The following MATK variants were observed in gnomAD, a reference collection of about 807,000 sequenced individuals.
MATK encodes the protein megakaryocyte-associated tyrosine-protein kinase.
A neutral mutation model predicts 59.8 loss-of-function variants in MATK; 41 were observed. The ratio of observed to expected loss-of-function variants is 0.69; its 90% CI spans 0.53 to 0.89. The LOEUF (loss-of-function observed/expected upper bound fraction) is 0.89. MATK is among the 40% of genes least tolerant of loss of function. The pLI, the probability that MATK is intolerant of heterozygous loss-of-function variation, is 0.00. For synonymous variants in MATK, 308 were observed against 306.1 expected (o/e 1.01, Z -0.06); for missense variants, 593 against 719.6 (o/e 0.82, Z 2.01).
upstream of MATK, among the ~76,000 whole-genome samples, chr19:3,789,086 G>A (rs550337841): frequency 1.3e-5 from 2 of 152,264 alleles, no homozygotes; most frequent in East Asian, 1.9e-4. Flanking sequence ...CCACAGCTTC[G>A]TGGATCTGGC....
chr19:3,787,063 G>T (rs746793673), upstream of MATK, among the ~76,000 whole-genome samples: 2 of 152,184 alleles, frequency 1.3e-5, no homozygotes, highest in African/African-American at 4.8e-5. Flanking sequence ...GGCCCCCAGC[G>T]ATGGCTTTGT....
intron 12 of MATK, 44 bp downstream of exon 12, chr19:3,778,948 G>C: frequency 5.4e-6 from 8 of 1,492,676 alleles, no homozygotes; most frequent in Non-Finnish European, 7.1e-6. Context: ...CAGCAGAGCT[G>C]GGGGGACCCC....
rs1479741853 is a variant in MATK at position 3,779,052 on chromosome 19, C to G, written c.1137G>C (p.Lys379Asn). 4 of 1,605,510 alleles carry G rather than the reference C, an allele frequency of 2.5e-6. No individual in the cohort carries two copies. Among genetic ancestry groups the G allele is most frequent in the African/African-American group, 1.3e-5 (1 of 74,952 alleles). ...SDFGLAKAERKGLDSSRLPVK... is the reference protein window; with the variant it reads ...SDFGLAKAERNGLDSSRLPVK... ...CGGGCAGCCGGCTTGAGTCTAGCCC[C>G]TTCCGCTCGGCTTTGGCCAGGCCAA... is the stretch of plus-strand genomic sequence containing the variant. Residue 379 changes from lysine to asparagine, a missense_variant, in exon 12 of 14, where the codon AAG (lysine) becomes AAC (asparagine). Coordinates refer to ENST00000310132, the MANE Select transcript of MATK (RefSeq NM_139355.3).
rs529477865 is a variant in MATK at position 3,785,661 on chromosome 19, C to T, written c.-151-375G>A. 7 of 162,442 alleles carry T rather than the reference C, an allele frequency of 4.3e-5. No homozygotes were observed. The East Asian group carries it at 1.3e-3, about 29-fold the overall frequency. The allele number at this position is 162,442 out of a possible 1,614,324, so 10.1% of individuals were successfully genotyped here. A position where few individuals can be genotyped will look rare whatever the true frequency, so the allele number is the denominator to read the frequency against. ...CACAGAAACACACAGGGCTCGGACA[C>T]AGCTGCGCGCAGACAAGCAAAGGAC... On this transcript the variant is annotated intron_variant, in intron 1 of 13. Transcript: ENST00000310132.
At chr19:3,796,409 C>T (rs1386044921) in intron 1 of MATK, among the ~76,000 whole-genome samples, 2 of 152,150 alleles carry the variant, frequency 1.3e-5, no homozygotes, top group Non-Finnish European at 2.9e-5. Context: ...ATTTAGCTCT[C>T]TTAGGCATTC....
upstream of MATK, among the ~76,000 whole-genome samples, chr19:3,789,788 G>GCT (rs780453820): frequency 0.036 from 1,483 of 41,402 alleles, 14 homozygotes; most frequent in Non-Finnish European, 0.079. Context: ...GCAGTGGCCT[G>GCT]ATCTCGGCTC....
chr19:3,779,923 C>T lies in MATK; in HGVS notation c.743-126G>A. On this transcript the variant is annotated intron_variant, in intron 8 of 13. Coordinates refer to ENST00000310132, the MANE Select transcript of MATK (RefSeq NM_139355.3). ...ATTCACACAGCTGCGGGTCCCCAGA[C>T]CTTGAAACACAGACCCCATGCTCCT... The T allele has an allele frequency of 4.4e-6, 3 of 676,958 alleles. No homozygotes were observed. The South Asian group carries it at 5.0e-5, about 11-fold the overall frequency. The allele number at this position is 676,958 out of a possible 1,614,324, so 41.9% of individuals were successfully genotyped here. A position where few individuals can be genotyped will look rare whatever the true frequency, so the allele number is the denominator to read the frequency against.
At chr19:3,789,868 G>C (rs980347802), upstream of MATK, among the ~76,000 whole-genome samples, 3 of 151,832 alleles carry the variant, frequency 2.0e-5, no homozygotes, top group Non-Finnish European at 4.4e-5. Context: ...GGGATTACAG[G>C]TGCGTGCCAC....
upstream of MATK, among the ~76,000 whole-genome samples, chr19:3,790,647 C>A (rs1018408252): frequency 6.6e-6 from 1 of 152,114 alleles, no homozygotes; most frequent in African/African-American, 2.4e-5. Flanking sequence ...CTAGTGAGTC[C>A]GAACTGCAGA....
chr19:3,786,129 G>A lies in MATK; in HGVS notation c.-152+40C>T, dbSNP rs1416499414. The A allele has an allele frequency of 4.4e-6, 4 of 902,444 alleles. No individual in the cohort carries two copies. The East Asian group carries it at 4.8e-4, about 109-fold the overall frequency. 55.9% of individuals were successfully genotyped at this position (902,444 alleles called of 1,614,324 possible). A position where few individuals can be genotyped will look rare whatever the true frequency, so the allele number is the denominator to read the frequency against. ...GCCCTCGGGGTTTCCCCCCACCCCG[G>A]CCTCGGGGTCTCTCCACGTCTCCCC... On this transcript the variant is annotated intron_variant, in intron 1 of 13. Coordinates refer to ENST00000310132, the MANE Select transcript of MATK (RefSeq NM_139355.3). This position sits in a 1 kb window ranked among gnomAD's most constrained non-coding sequence, Gnocchi z 4.1.
At chr19:3,784,952 G>T in intron 2 of MATK, 68 bp from the exon 3 acceptor site, 1 of 1,426,100 alleles carries the variant, frequency 7.0e-7, no homozygotes, top group African/African-American at 1.4e-5. Context: ...ACCACTTCCA[G>T]CCCAGGTCAG....
intron 6 of MATK, 94 bp from the exon 7 acceptor site, chr19:3,783,313 G>T: frequency 2.3e-6 from 1 of 434,330 alleles, no homozygotes; most frequent in Non-Finnish European, 4.7e-6. Flanking sequence ...TGGGGTGGGT[G>T]GGACCGGGGA....
chr19:3,788,236 C>T (rs2037507977), upstream of MATK, among the ~76,000 whole-genome samples: 1 of 151,692 alleles, frequency 6.6e-6, no homozygotes, highest in African/African-American at 2.4e-5. Flanking sequence ...CGCCTGTAAT[C>T]CCAGCACTTT....
At chr19:3,798,523 T>C (rs1568412008) in intron 1 of MATK, among the ~76,000 whole-genome samples, 1 of 152,136 alleles carries the variant, frequency 6.6e-6, no homozygotes, top group African/African-American at 2.4e-5. Context: ...ATTTTTTTTA[T>C]TTTTTTGAGA....
upstream of MATK, among the ~76,000 whole-genome samples, chr19:3,791,341 C>T (rs1401812119): frequency 2.0e-5 from 3 of 151,350 alleles, no homozygotes; most frequent in Non-Finnish European, 4.4e-5. Context: ...CATCTCTCCA[C>T]CTCCCCCCAC....
At position 3,781,598 on chromosome 19, in the gene MATK, G is replaced by T; in HGVS notation, c.742+9C>A. The T allele has an allele frequency of 6.2e-7, 1 of 1,613,616 alleles. No individual in the cohort carries two copies. Among genetic ancestry groups the T allele is most frequent in the Non-Finnish European group, 8.5e-7 (1 of 1,179,822 alleles). ...TCCTTCAGCACCCCCAACCCAGTCCGCCACTCACCTCCAAACTCTCCCTCT... is the reference window on the plus strand; with the variant it reads ...TCCTTCAGCACCCCCAACCCAGTCCTCCACTCACCTCCAAACTCTCCCTCT... On this transcript the variant is annotated intron_variant, in intron 8 of 13. Transcript: ENST00000310132.
chr19:3,789,616 GC>G (rs1394666050), upstream of MATK, among the ~76,000 whole-genome samples: 6 of 152,138 alleles, frequency 3.9e-5, no homozygotes, highest in East Asian at 1.2e-3. Flanking sequence ...ACTGAGCTGT[GC>G]CTGACTCTAG....
At position 3,779,814 on chromosome 19, in the gene MATK, G is replaced by T; in HGVS notation, c.743-17C>A. ...GCAGGACAGCTGGGGGGTGGGGGTG[G>T]GGAACGGGGTGAGATCAGGACCCCC... On this transcript the variant is annotated splice_polypyrimidine_tract_variant and intron_variant, in intron 8 of 13. Coordinates refer to ENST00000310132, the MANE Select transcript of MATK (RefSeq NM_139355.3). 6.6e-7 allele frequency: 1 copy of T among 1,517,394 alleles called. No homozygotes were observed. The highest frequency in any genetic ancestry group is 1.1e-5 in the South Asian group (1 of 89,246). 94.0% of individuals were successfully genotyped at this position (1,517,394 alleles called of 1,614,324 possible). A position where few individuals can be genotyped will look rare whatever the true frequency, so the allele number is the denominator to read the frequency against.
chr19:3,786,765 A>G (rs2037490909), upstream of MATK, among the ~76,000 whole-genome samples: 3 of 152,158 alleles, frequency 2.0e-5, no homozygotes, highest in Admixed American at 2.0e-4. The surrounding 1 kb of genome is among the most constrained non-coding windows in gnomAD (Gnocchi z 4.1). Flanking sequence ...AAAAGCTTTC[A>G]AAATGTCAGC....
Sources: allele counts gnomAD v4.1 joint callset (sites outside exome capture counted in the v4.1 genomes callset), GRCh38; gene constraint gnomAD v4.1.1; non-coding constraint Gnocchi (gnomAD v3.1); transcripts MANE v1.5; gene names NCBI Gene and HGNC (gene_info 2026-07-23, HGNC 2026-07-21).